Variants in SNX29 observed in about 807,000 individuals in gnomAD.
The protein encoded by SNX29 is sorting nexin-29.
SNX29 carries 78 observed loss-of-function variants against 102.1 expected under a neutral mutation model. The ratio of observed to expected loss-of-function variants is 0.76; its 90% confidence interval spans 0.64 to 0.92. The LOEUF is 0.92. Among genes scored for constraint, SNX29 ranks in the 40% least tolerant of loss-of-function variants. The probability of loss-of-function intolerance (pLI) is 0.00; values close to 1 mark genes in which losing one functional copy is unlikely to be tolerated. For missense variants in SNX29, 1,280 were observed against 1,061.7 expected, an observed-to-expected ratio of 1.21 and a Z score of -2.86; for synonymous variants, 580 against 414.5, an observed-to-expected ratio of 1.40 and a Z score of -4.85.
chr16:12,552,004 C>A (rs1168086532), intron 20 of SNX29, among the ~76,000 whole-genome samples: 1 of 152,156 alleles, frequency 6.6e-6, no homozygotes, highest in East Asian at 1.9e-4. Context: ...CCTGCTGGTC[C>A]CTGTCTCTAA....
intron 18 of SNX29, among the ~76,000 whole-genome samples, chr16:12,435,807 G>A (rs191043213): frequency 6.6e-6 from 1 of 152,258 alleles, no homozygotes; most frequent in East Asian, 1.9e-4. Context: ...GCACTTTGTT[G>A]GTTCCCCTGG....
chr16:12,165,614 G>T (rs1432666188), intron 13 of SNX29, among the ~76,000 whole-genome samples: 1 of 152,174 alleles, frequency 6.6e-6, no homozygotes, highest in African/African-American at 2.4e-5. Flanking sequence ...AGACTGGAGT[G>T]CAGTGTTGCA....
chr16:12,013,185 A>G (rs946146372), intron 3 of SNX29, among the ~76,000 whole-genome samples: 6 of 151,832 alleles, frequency 4.0e-5, no homozygotes, highest in Admixed American at 2.0e-4. Flanking sequence ...TGGCTCTACC[A>G]TGGAAGCTTT....
intron 9 of SNX29, 70 bp from the exon 10 acceptor site, chr16:12,068,987 G>A: frequency 6.9e-7 from 1 of 1,443,856 alleles, no homozygotes; most frequent in Non-Finnish European, 9.6e-7. Flanking sequence ...TGTCTGCATT[G>A]TGTCTTTGTC....
chr16:12,112,151 C>G (rs1465934689), intron 11 of SNX29, among the ~76,000 whole-genome samples: 3 of 152,144 alleles, frequency 2.0e-5, no homozygotes, highest in African/African-American at 7.2e-5. Context: ...CCAACTGTAC[C>G]TTCACCTCCC....
chr16:12,041,073 C>T (rs2049861349), intron 4 of SNX29, among the ~76,000 whole-genome samples: 1 of 152,126 alleles, frequency 6.6e-6, no homozygotes, highest in Non-Finnish European at 1.5e-5. Flanking sequence ...TCCCAAAGTG[C>T]TTGGATTACA....
rs535546933 is a variant in SNX29, at chr16:12,553,755, G to GT, written c.2319-14744dup. On this transcript the variant is annotated intron_variant, in intron 20 of 20. Coordinates refer to ENST00000566228, the MANE Select transcript of SNX29 (RefSeq NM_032167.5). The stretch of plus-strand genomic sequence containing the variant: ...TGCACATGCCACCACCCCCAGCCTA[G>GT]TTTTTTTCCTTAAGTACAGACAGGG... 7.8e-4 allele frequency among the ~76,000 whole-genome samples: 119 copies of GT among 151,996 alleles called. 2 individuals carry two copies. Among genetic ancestry groups the GT allele is most frequent in the South Asian group, 3.7e-3 (18 of 4,808 alleles).
rs368698349 is a variant in SNX29, at chr16:12,391,935, A to G, written c.1900-6511A>G. ...CAAGTCATGTACATGGTAAAAATCT[A>G]CAAGGTGTAAAGTTTTACAGATAGG... is the stretch of plus-strand genomic sequence containing the variant. On this transcript the variant is annotated intron_variant, in intron 16 of 20. Coordinates refer to ENST00000566228, the MANE Select transcript of SNX29 (RefSeq NM_032167.5). Among the ~76,000 whole-genome samples, 17 of 152,370 alleles carry G rather than the reference A, an allele frequency of 1.1e-4. No individual in the cohort carries two copies. The East Asian group carries it at 2.3e-3, about 21-fold the overall frequency.
At chr16:12,211,598 T>C (rs830722) in intron 14 of SNX29, among the ~76,000 whole-genome samples, 134,591 of 152,070 alleles carry the variant, frequency 0.89, 61,665 homozygotes, top group East Asian at 1. Flanking sequence ...AGATTGAGAT[T>C]GATCGATATT....
intron 13 of SNX29, among the ~76,000 whole-genome samples, chr16:12,197,429 G>A (rs1408795740): frequency 6.6e-6 from 1 of 152,062 alleles, no homozygotes; most frequent in East Asian, 1.9e-4. Flanking sequence ...AAATTAGCCG[G>A]TCATGGTGGT....
intron 18 of SNX29, among the ~76,000 whole-genome samples, chr16:12,408,016 G>A (rs2084236712): frequency 6.6e-6 from 1 of 152,056 alleles, no homozygotes. Context: ...AAATTAACTG[G>A]GCATGGTGGT....
chr16:12,424,260 C>T (rs2084973186), intron 18 of SNX29, among the ~76,000 whole-genome samples: 3 of 152,154 alleles, frequency 2.0e-5, no homozygotes, highest in Admixed American at 6.5e-5. Context: ...TAGGGTGTGG[C>T]CATTGCCCAA....
At chr16:12,370,780 TG>T (rs1460803171) in intron 16 of SNX29, among the ~76,000 whole-genome samples, 1 of 152,200 alleles carries the variant, frequency 6.6e-6, no homozygotes, top group Admixed American at 6.5e-5. Context: ...AGCTGGTCTG[TG>T]GGAACCAGAG....
intron 14 of SNX29, among the ~76,000 whole-genome samples, chr16:12,253,123 G>T (rs1410315399): frequency 6.6e-6 from 1 of 152,150 alleles, no homozygotes; most frequent in Non-Finnish European, 1.5e-5. Context: ...TAACCCTCCT[G>T]CCCCTCAGCA....
At chr16:11,982,220 ATTTG>A (rs55825636) in intron 1 of SNX29, among the ~76,000 whole-genome samples, 39,179 of 151,780 alleles carry the variant, frequency 0.26, 6,114 homozygotes, top group East Asian at 0.49. Flanking sequence ...GGTGGTCACA[ATTTG>A]TTTATTTTTC....
chr16:12,540,152 T>G (rs1391663730), intron 20 of SNX29, among the ~76,000 whole-genome samples: 4 of 152,198 alleles, frequency 2.6e-5, no homozygotes, highest in African/African-American at 9.7e-5. Context: ...TAGCTTTACA[T>G]TTTAGATCTG....
chr16:12,473,206 A>G (rs2087440276), intron 18 of SNX29, among the ~76,000 whole-genome samples: 1 of 152,246 alleles, frequency 6.6e-6, no homozygotes, highest in Non-Finnish European at 1.5e-5. Flanking sequence ...TAATTCAAGG[A>G]CAACTTAATT....
At chr16:12,524,515 G>A (rs867613089) in intron 19 of SNX29, among the ~76,000 whole-genome samples, 187 bp from the exon 20 acceptor site, 2 of 150,246 alleles carry the variant, frequency 1.3e-5, no homozygotes, top group African/African-American at 2.5e-5. Context: ...TAATAATATC[G>A]TGAGCATCTT....
chr16:12,257,766 A>G (rs1417469895), intron 14 of SNX29, among the ~76,000 whole-genome samples: 3 of 150,202 alleles, frequency 2.0e-5, no homozygotes, highest in East Asian at 3.9e-4. Flanking sequence ...GATCTCAAGT[A>G]GTCCTCCCAC....
Sources: allele counts gnomAD v4.1 joint callset (sites outside exome capture counted in the v4.1 genomes callset), GRCh38; gene constraint gnomAD v4.1.1; transcripts MANE v1.5; gene names NCBI Gene and HGNC (gene_info 2026-07-23, HGNC 2026-07-21).